Variants in NGEF observed in about 807,000 individuals in gnomAD.
The protein encoded by NGEF is neuronal guanine nucleotide exchange factor.
In NGEF, 31 loss-of-function variants were observed where a neutral mutation model predicts 80.9. The ratio of observed to expected loss-of-function variants is 0.38; its 90% CI spans 0.29 to 0.52. NGEF has a LOEUF of 0.52. Among genes scored for constraint, NGEF ranks in the 20% least tolerant of loss-of-function variants. The pLI, the probability that NGEF is intolerant of heterozygous loss-of-function variation, is 0.84. For missense variants in NGEF, 709 were observed against 926.2 expected (o/e 0.77, Z 3.04); for synonymous variants, 371 against 370.2 (o/e 1.00, Z -0.03).
At chr2:232,973,192 C>T (rs1395844278) in intron 2 of NGEF, among the ~76,000 whole-genome samples, 2 of 152,160 alleles carry the variant, frequency 1.3e-5, no homozygotes, top group African/African-American at 2.4e-5. Flanking sequence ...ATTAAAATGA[C>T]ATCATTACAA....
intron 1 of NGEF, among the ~76,000 whole-genome samples, chr2:232,985,337 C>G (rs117863326): frequency 6.6e-6 from 1 of 152,296 alleles, no homozygotes; most frequent in East Asian, 1.9e-4. Flanking sequence ...AGTTTATGGG[C>G]TGGGTGCCAT....
intron 1 of NGEF, among the ~76,000 whole-genome samples, chr2:233,006,739 C>T (rs923708836): frequency 6.6e-6 from 1 of 152,110 alleles, no homozygotes; most frequent in African/African-American, 2.4e-5. Context: ...ACACTCATGG[C>T]GATCCTGTAT....
At chr2:233,011,579 A>G (rs1214573989) in intron 1 of NGEF, among the ~76,000 whole-genome samples, 1 of 109,854 alleles carries the variant, frequency 9.1e-6, no homozygotes, top group Admixed American at 1.0e-4. Flanking sequence ...GGAAGTTCTT[A>G]AAGCAATGAA....
At chr2:232,894,080 G>A (rs1691977809) in intron 6 of NGEF, among the ~76,000 whole-genome samples, 1 of 152,244 alleles carries the variant, frequency 6.6e-6, no homozygotes, top group African/African-American at 2.4e-5. Context: ...TGAGCCCCAT[G>A]TGGCTTCTGG....
intron 3 of NGEF, among the ~76,000 whole-genome samples, chr2:232,946,892 T>G (rs1328982421): frequency 6.6e-6 from 1 of 151,936 alleles, no homozygotes; most frequent in Non-Finnish European, 1.5e-5. Flanking sequence ...TGACCATGAG[T>G]CCATAGTCAT....
chr2:232,927,358 A>G lies in NGEF; in HGVS notation c.384-172T>C, dbSNP rs770419575. On this transcript the variant is annotated intron_variant, in intron 3 of 14. Coordinates refer to ENST00000264051, the MANE Select transcript of NGEF (RefSeq NM_019850.3). ...GCCCCTCCCGGCCGGGCGGGCCCCAAAAGCCCTTTCTGTCACCGCACCAGG... is the reference window on the plus strand; with the variant it reads ...GCCCCTCCCGGCCGGGCGGGCCCCAGAAGCCCTTTCTGTCACCGCACCAGG... Among the ~76,000 whole-genome samples the G allele has an allele frequency of 7.4e-4, 113 of 152,090 alleles. 2 individuals carry two copies. Among genetic ancestry groups the G allele is most frequent in the Non-Finnish European group, 2.6e-4 (18 of 67,970 alleles).
At chr2:233,005,048 C>G (rs563209231) in intron 1 of NGEF, among the ~76,000 whole-genome samples, 23 of 152,342 alleles carry the variant, frequency 1.5e-4, no homozygotes, top group Non-Finnish European at 2.8e-4. Context: ...TTCGTCAGGA[C>G]AGACATTGCT....
chr2:232,927,220 T>C lies in NGEF; in HGVS notation c.384-34A>G, dbSNP rs561221943. The C allele has an allele frequency of 1.2e-5, 19 of 1,524,070 alleles. No homozygotes were observed. In the South Asian group the frequency reaches 2.2e-4, roughly 18 times the overall value. 94.4% of individuals were successfully genotyped at this position (1,524,070 alleles called of 1,614,324 possible). A position where few individuals can be genotyped will look rare whatever the true frequency, so the allele number is the denominator to read the frequency against. On this transcript the variant is annotated intron_variant, in intron 3 of 14. Coordinates refer to ENST00000264051, the MANE Select transcript of NGEF (RefSeq NM_019850.3). ...GAGGGAGGAGGACAGGGGCTGGTTA[T>C]TTTTAAGCAAGGATTCACCTCGGCT...
At position 232,879,429 on chromosome 2, in the gene NGEF, C is replaced by A. The variant is rs751706690; in HGVS notation, c.*60G>T. 2.1e-6 allele frequency: 3 copies of A among 1,456,272 alleles called. No individual in the cohort carries two copies. Among genetic ancestry groups the A allele is most frequent in the South Asian group, 1.3e-5 (1 of 74,858 alleles). The allele number at this position is 1,456,272 out of a possible 1,614,324, so 90.2% of individuals were successfully genotyped here. A position where few individuals can be genotyped will look rare whatever the true frequency, so the allele number is the denominator to read the frequency against. On this transcript the variant is annotated 3_prime_UTR_variant, in exon 15 of 15. Transcript: ENST00000264051. Reference sequence around the variant, plus strand: ...GCCTGTGCTTCCCAGAGCCCCCCCCCCCCCACCTTCTGTCGGGGTCTCATG... The same window carrying A: ...GCCTGTGCTTCCCAGAGCCCCCCCCACCCCACCTTCTGTCGGGGTCTCATG...
At chr2:232,966,487 G>C (rs377671381) in intron 3 of NGEF, among the ~76,000 whole-genome samples, 99 of 152,130 alleles carry the variant, frequency 6.5e-4, no homozygotes, top group African/African-American at 2.3e-3. Context: ...AGATGTTTCC[G>C]GGTGTGAACA....
chr2:232,883,617 C>G, intron 11 of NGEF, 151 bp from the exon 12 acceptor site: 3 of 869,792 alleles, frequency 3.4e-6, no homozygotes, highest in Middle Eastern at 3.5e-4. Flanking sequence ...CGCCTGTCTC[C>G]CGCACCCCAA....
intron 1 of NGEF, among the ~76,000 whole-genome samples, chr2:232,986,785 T>C (rs778459146): frequency 6.6e-6 from 1 of 152,210 alleles, no homozygotes; most frequent in African/African-American, 2.4e-5. Flanking sequence ...ATCTAACATA[T>C]AGCACAGGTG....
At chr2:232,981,144 C>CA (rs1252843193) in intron 1 of NGEF, among the ~76,000 whole-genome samples, 1 of 130,920 alleles carries the variant, frequency 7.6e-6, no homozygotes, top group African/African-American at 3.3e-5. Context: ...GAGGGCCTCC[C>CA]AAGCACCTGG....
intron 1 of NGEF, among the ~76,000 whole-genome samples, chr2:232,998,058 G>A (rs1694891982): frequency 6.6e-6 from 1 of 152,174 alleles, no homozygotes; most frequent in Non-Finnish European, 1.5e-5. Flanking sequence ...AGAGCAGCAG[G>A]GACCCAGGCC....
chr2:232,884,901 G>C (rs75460861), intron 10 of NGEF: 374 of 176,028 alleles, frequency 2.1e-3, no homozygotes, highest in Non-Finnish European at 2.1e-3. Flanking sequence ...GAAGTTTGGG[G>C]GAAGCTGGTA....
At chr2:232,980,558 G>C (rs916408596) in intron 1 of NGEF, among the ~76,000 whole-genome samples, 1 of 152,030 alleles carries the variant, frequency 6.6e-6, no homozygotes, top group Non-Finnish European at 1.5e-5. Flanking sequence ...GCGTGCAGTG[G>C]CGCGATCTCA....
chr2:232,964,576 C>T (rs1286883427), intron 3 of NGEF, among the ~76,000 whole-genome samples: 3 of 152,066 alleles, frequency 2.0e-5, no homozygotes, highest in African/African-American at 7.2e-5. Context: ...TGCCTGTAAT[C>T]CCACATATTC....
intron 3 of NGEF, among the ~76,000 whole-genome samples, chr2:232,937,710 C>G (rs1342759823): frequency 6.6e-6 from 1 of 152,136 alleles, no homozygotes; most frequent in African/African-American, 2.4e-5. Context: ...GGTGCCATGC[C>G]CTTGGTGTGA....
At chr2:232,986,660 A>C (rs1163727482) in intron 1 of NGEF, among the ~76,000 whole-genome samples, 2 of 152,204 alleles carry the variant, frequency 1.3e-5, no homozygotes, top group Non-Finnish European at 2.9e-5. Context: ...AAAAAGTCAA[A>C]CTCTTAGAAG....
Sources: allele counts gnomAD v4.1 joint callset (sites outside exome capture counted in the v4.1 genomes callset), GRCh38; gene constraint gnomAD v4.1.1; transcripts MANE v1.5; gene names NCBI Gene and HGNC (gene_info 2026-07-23, HGNC 2026-07-21).